PDZD2: variants seen among roughly 807,000 people sequenced by gnomAD.
The protein encoded by PDZD2 is PDZ domain containing 2, also known as PDZ domain-containing protein 2.
Under a neutral mutation model 220.7 loss-of-function variants are expected in PDZD2, and 90 were observed. That is an observed-to-expected ratio of 0.41 (90% CI 0.34 to 0.49). PDZD2 has a LOEUF of 0.49. Among genes scored for constraint, PDZD2 ranks in the 20% least tolerant of loss-of-function variants. PDZD2 has a pLI of 0.28. For synonymous variants in PDZD2, 1,375 were observed against 1,450.5 expected, an observed-to-expected ratio of 0.95 and a Z score of 1.18; for missense variants, 3,174 against 3,608.5, an observed-to-expected ratio of 0.88 and a Z score of 3.08.
intron 2 of PDZD2, among the ~76,000 whole-genome samples, chr5:31,950,890 T>G (rs1398462352): frequency 6.6e-6 from 1 of 152,188 alleles, no homozygotes; most frequent in Non-Finnish European, 1.5e-5. Context: ...TACCTTAGAC[T>G]GGGTTGTTGA....
intron 1 of PDZD2, among the ~76,000 whole-genome samples, chr5:31,738,890 A>T (rs1750068072): frequency 6.8e-6 from 1 of 146,724 alleles, no homozygotes; most frequent in South Asian, 2.2e-4. Flanking sequence ...ATATATATAG[A>T]TTTTTTTTTT....
chr5:31,830,259 G>A (rs565805792), intron 2 of PDZD2, among the ~76,000 whole-genome samples: 6 of 149,674 alleles, frequency 4.0e-5, no homozygotes, highest in African/African-American at 1.2e-4. Flanking sequence ...TCCGCCTCCC[G>A]GGTTCACGCC....
chr5:32,029,794 A>G (rs947941545), intron 6 of PDZD2, among the ~76,000 whole-genome samples: 1 of 152,242 alleles, frequency 6.6e-6, no homozygotes, highest in Non-Finnish European at 1.5e-5. Flanking sequence ...TTTGCACGCC[A>G]TGCAGAAATG....
At chr5:32,058,232 G>T (rs1739296834) in intron 12 of PDZD2, 129 bp downstream of exon 12, 1 of 648,490 alleles carries the variant, frequency 1.5e-6, no homozygotes, top group African/African-American at 1.8e-5. Flanking sequence ...ACAACACGTG[G>T]TCTCTGCATG....
At chr5:31,921,587 G>A (rs1325675822) in intron 2 of PDZD2, among the ~76,000 whole-genome samples, 1 of 152,154 alleles carries the variant, frequency 6.6e-6, no homozygotes, top group African/African-American at 2.4e-5. Context: ...GTACTCAGGA[G>A]GCTGAGGCAG....
rs74761023 is a variant in PDZD2, at chr5:31,999,988, C to T, written c.1122-151C>T. Reference sequence around the variant, plus strand: ...GAATCTGGACACATGAATAAACAATCGCATCCCCAACTGCCTCTGGCCATC... The same window carrying T: ...GAATCTGGACACATGAATAAACAATTGCATCCCCAACTGCCTCTGGCCATC... On this transcript the variant is annotated intron_variant, in intron 4 of 24. Coordinates refer to ENST00000438447, the MANE Select transcript of PDZD2 (RefSeq NM_178140.4). The T allele has an allele frequency of 1.1e-3, 667 of 634,754 alleles. 4 individuals are homozygous for T. The East Asian group carries it at 0.015, about 14-fold the overall frequency. 39.3% of individuals were successfully genotyped at this position (634,754 alleles called of 1,614,324 possible).
intron 2 of PDZD2, among the ~76,000 whole-genome samples, chr5:31,923,862 G>A (rs948622466): frequency 6.6e-6 from 1 of 152,140 alleles, no homozygotes. Context: ...CGGCACACTG[G>A]TGAGAGTCAA....
intron 3 of PDZD2, among the ~76,000 whole-genome samples, chr5:31,988,653 A>ATGGCCTG (rs1750920533): frequency 6.6e-6 from 1 of 152,170 alleles, no homozygotes; most frequent in Admixed American, 6.5e-5. Flanking sequence ...CAAGCTTCTC[A>ATGGCCTG]TGGCCTGTCC....
chr5:31,992,205 A>T (rs1751272460), intron 3 of PDZD2, among the ~76,000 whole-genome samples: 1 of 151,634 alleles, frequency 6.6e-6, no homozygotes, highest in Admixed American at 6.6e-5. Flanking sequence ...ACTTTCAATT[A>T]AAAAAAAATT....
intron 1 of PDZD2, among the ~76,000 whole-genome samples, chr5:31,663,753 A>T (rs1190934323): frequency 6.6e-6 from 1 of 152,188 alleles, no homozygotes; most frequent in Non-Finnish European, 1.5e-5. Flanking sequence ...CAGAACCTTG[A>T]AAGGGTTGTT....
rs755621463 is a variant in PDZD2 at position 32,048,599 on chromosome 5, A to G, written c.1580A>G (p.Asp527Gly). Residue 527 changes from aspartate (D) to glycine (G), a missense_variant, in exon 8 of 25, where the codon GAC (aspartate) becomes GGC (glycine). Coordinates refer to ENST00000438447, the MANE Select transcript of PDZD2 (RefSeq NM_178140.4). The part of the protein sequence containing the change: ...EYNELMVRNG[D>G]PRIRMLEVSR... ...AACGAGCTGATGGTGCGGAATGGGGACCCCCGGATCCGGATGTTGGAGGTC... is the reference window on the plus strand; with the variant it reads ...AACGAGCTGATGGTGCGGAATGGGGGCCCCCGGATCCGGATGTTGGAGGTC... The G allele has an allele frequency of 7.4e-6, 12 of 1,613,262 alleles. No individual in the cohort carries two copies. Among genetic ancestry groups the G allele is most frequent in the Non-Finnish European group, 1.0e-5 (12 of 1,179,770 alleles).
At chr5:32,043,916 C>T (rs566527657) in intron 7 of PDZD2, among the ~76,000 whole-genome samples, 5 of 152,220 alleles carry the variant, frequency 3.3e-5, no homozygotes, top group African/African-American at 9.6e-5. Flanking sequence ...TGTGAGCCAC[C>T]GTGCACGACC....
At chr5:31,886,737 G>T (rs555515673) in intron 2 of PDZD2, among the ~76,000 whole-genome samples, 2 of 149,608 alleles carry the variant, frequency 1.3e-5, no homozygotes, top group Admixed American at 6.7e-5. Flanking sequence ...TTGCTCTGTC[G>T]CTCAGGCTGG....
intron 12 of PDZD2, among the ~76,000 whole-genome samples, chr5:32,058,486 T>C (rs1476151421): frequency 1.3e-5 from 2 of 149,258 alleles, no homozygotes; most frequent in African/African-American, 4.9e-5. Context: ...CTCCCCAACA[T>C]GGCGAAACCC....
chr5:32,028,921 G>A (rs934863581), intron 6 of PDZD2, among the ~76,000 whole-genome samples: 2 of 152,120 alleles, frequency 1.3e-5, no homozygotes, highest in Non-Finnish European at 1.5e-5. Context: ...GACCTCAAGT[G>A]ATCCGCCTGC....
At position 32,050,779 on chromosome 5, in the gene PDZD2, C is replaced by G. The variant is rs1372202019; in HGVS notation, c.1666-1832C>G. The stretch of plus-strand genomic sequence containing the variant: ...AAGACTGCAGTGAGCTGTGATCACG[C>G]CACTGAATTCCAGCCTAGGTGATAG... On this transcript the variant is annotated intron_variant, in intron 8 of 24. Coordinates refer to ENST00000438447, the MANE Select transcript of PDZD2 (RefSeq NM_178140.4). Among the ~76,000 whole-genome samples, 3 of 152,094 alleles carry G rather than the reference C, an allele frequency of 2.0e-5. No individual in the cohort carries two copies. In the East Asian group the frequency reaches 5.8e-4, roughly 29 times the overall value.
At chr5:31,751,017 T>C (rs1009792609) in intron 1 of PDZD2, among the ~76,000 whole-genome samples, 6 of 152,100 alleles carry the variant, frequency 3.9e-5, no homozygotes, top group Middle Eastern at 3.4e-3. Flanking sequence ...CCAAGGCAGG[T>C]GGATCACCTG....
rs141855885 is a variant in PDZD2 at position 31,797,876 on chromosome 5, A to G, written c.-360-1013A>G. Among the ~76,000 whole-genome samples, 363 of 152,276 alleles carry G rather than the reference A, an allele frequency of 2.4e-3. 1 individual carries two copies. Among genetic ancestry groups the G allele is most frequent in the African/African-American group, 8.4e-3 (348 of 41,546 alleles). On this transcript the variant is annotated intron_variant, in intron 1 of 24. Transcript: ENST00000438447. The stretch of plus-strand genomic sequence containing the variant: ...CTGAGAAGGCTGGAGAATGTTTTCC[A>G]CGTTGGATGGCACGGTTTATATTGA...
chr5:31,911,974 C>T lies in PDZD2; in HGVS notation c.477-71181C>T, dbSNP rs116084483. 4.7e-3 allele frequency among the ~76,000 whole-genome samples: 722 copies of T among 152,314 alleles called. 9 individuals are homozygous for T. The highest frequency in any genetic ancestry group is 0.016 in the African/African-American group (661 of 41,554). ...GCTGCAATGGGGTATGGTTGTTTCA[C>T]ATTTTCTGCTAAATGGGGATTGAGT... On this transcript the variant is annotated intron_variant, in intron 2 of 24. Coordinates refer to ENST00000438447, the MANE Select transcript of PDZD2 (RefSeq NM_178140.4).
Sources: gnomAD v4.1 joint callset for allele counts (sites outside exome capture counted in the v4.1 genomes callset) on GRCh38, gnomAD v4.1.1 for gene constraint, MANE v1.5 for transcripts, NCBI Gene and HGNC (gene_info 2026-07-23, HGNC 2026-07-21) for gene names.